Variants in NR1I2 observed in about 807,000 individuals in gnomAD.
NR1I2 encodes orphan nuclear receptor PAR1.
NR1I2 carries 42 observed loss-of-function variants against 43.3 expected under a neutral mutation model. The ratio of observed to expected loss-of-function variants is 0.97; its 90% CI spans 0.76 to 1.26. The LOEUF is 1.26. NR1I2 is among the 50% of genes most tolerant of loss of function. The pLI is 0.00. For synonymous variants in NR1I2, 229 were observed against 215.0 expected (o/e 1.06, Z -0.57); for missense variants, 559 against 566.7 (o/e 0.99, Z 0.14).
chr3:119,791,670 T>A (rs2107950273), intron 1 of NR1I2, among the ~76,000 whole-genome samples: 1 of 152,252 alleles, frequency 6.6e-6, no homozygotes, highest in African/African-American at 2.4e-5. Flanking sequence ...ATCCCAGCAC[T>A]TTGGGAGGCT....
chr3:119,794,492 CTTTTT>C, intron 1 of NR1I2, among the ~76,000 whole-genome samples: 1 of 136,214 alleles, frequency 7.3e-6, no homozygotes, highest in Non-Finnish European at 1.6e-5. Flanking sequence ...CTCACCCAGC[CTTTTT>C]TTTTTTTTTT....
rs1238710950 is a variant in NR1I2, at chr3:119,815,365, A to ACTAC, written c.981_984dup (p.Met329LeufsTer10). 6.2e-7 allele frequency: 1 copy of ACTAC among 1,613,936 alleles called. No homozygotes were observed. The highest frequency in any genetic ancestry group is 1.1e-5 in the South Asian group (1 of 91,074). Reference sequence around the variant, plus strand: ...CTACTGGAGCCCATGCTGAAATTCCACTACATGCTGAAGAAGCTGCAGCTG... The same window carrying ACTAC: ...CTACTGGAGCCCATGCTGAAATTCCACTACCTACATGCTGAAGAAGCTGCAGCTG... On this transcript the variant is annotated frameshift_variant, in exon 7 of 9. Coordinates refer to ENST00000393716, the MANE Select transcript of NR1I2 (RefSeq NM_003889.4). LOFTEE classifies it high-confidence loss of function.
In NR1I2 at chr3:119,807,547, G is replaced by A. The variant is rs80320762; in HGVS notation, c.197+100G>A. On this transcript the variant is annotated intron_variant, in intron 2 of 8. Coordinates refer to ENST00000393716, the MANE Select transcript of NR1I2 (RefSeq NM_003889.4). Reference sequence around the variant, plus strand: ...CCTGTCCCCCAGGTTCAGAGTGTGGGCTGGTGGCCCACCCAAAGGCCTTGT... The same window carrying A: ...CCTGTCCCCCAGGTTCAGAGTGTGGACTGGTGGCCCACCCAAAGGCCTTGT... The A allele has an allele frequency of 9.0e-3, 9,328 of 1,035,834 alleles. 510 individuals carry two copies. The African/African-American group carries it at 0.12, about 14-fold the overall frequency. 64.2% of individuals were successfully genotyped at this position (1,035,834 alleles called of 1,614,324 possible).
chr3:119,802,878 T>C, intron 1 of NR1I2: 1 of 456,708 alleles, frequency 2.2e-6, no homozygotes, highest in Non-Finnish European at 4.4e-6. Context: ...ATGATTGTTA[T>C]GAGGAATAAA....
intron 1 of NR1I2, chr3:119,802,913 T>C (rs1389237236): frequency 6.6e-6 from 3 of 456,614 alleles, no homozygotes; most frequent in Non-Finnish European, 1.3e-5. Flanking sequence ...TGAATGTTTA[T>C]GTTTCCCCCA....
At chr3:119,799,267 C>G (rs2055043485) in intron 1 of NR1I2, among the ~76,000 whole-genome samples, 1 of 152,214 alleles carries the variant, frequency 6.6e-6, no homozygotes, top group South Asian at 2.1e-4. Context: ...TTTCAATTTG[C>G]CTTGCTCTAA....
At chr3:119,788,510 T>A (rs1187549263) in intron 1 of NR1I2, among the ~76,000 whole-genome samples, 2 of 152,146 alleles carry the variant, frequency 1.3e-5, no homozygotes, top group Non-Finnish European at 2.9e-5. Flanking sequence ...CAATCATGGC[T>A]CACTGTAGCC....
chr3:119,799,375 G>T (rs1047601251), intron 1 of NR1I2, among the ~76,000 whole-genome samples: 1 of 151,856 alleles, frequency 6.6e-6, no homozygotes, highest in Non-Finnish European at 1.5e-5. Flanking sequence ...TTTTAAATTG[G>T]GTTATTTGTA....
chr3:119,782,692 T>C lies in NR1I2; in HGVS notation c.-23+392T>C, dbSNP rs1577264678. On this transcript the variant is annotated intron_variant, in intron 1 of 8. Transcript: ENST00000393716. ...GGGGACTATGGGAACTGGGATCAAC[T>C]CAGTCCTGATTCCTTTTGGCCTGCT... is the stretch of plus-strand genomic sequence containing the variant. 13 of 1,192,492 alleles carry C rather than the reference T, an allele frequency of 1.1e-5. No individual in the cohort carries two copies. The East Asian group carries it at 2.8e-4, about 26-fold the overall frequency. 73.9% of individuals were successfully genotyped at this position (1,192,492 alleles called of 1,614,324 possible).
chr3:119,807,603 A>G (rs2055180206), intron 2 of NR1I2, among the ~76,000 whole-genome samples, 156 bp downstream of exon 2: 1 of 152,224 alleles, frequency 6.6e-6, no homozygotes. Flanking sequence ...TTTATATCCC[A>G]GAGGAATCCT....
At chr3:119,793,504 C>T (rs142513515) in intron 1 of NR1I2, among the ~76,000 whole-genome samples, 1 of 152,340 alleles carries the variant, frequency 6.6e-6, no homozygotes, top group Non-Finnish European at 1.5e-5. Context: ...TCAGTTTCCT[C>T]ACCTCTTCCA....
chr3:119,783,835 T>C (rs542964485), intron 1 of NR1I2, among the ~76,000 whole-genome samples: 2 of 152,334 alleles, frequency 1.3e-5, no homozygotes, highest in South Asian at 4.2e-4. Flanking sequence ...ACCTATCTGT[T>C]GCCATGTTGT....
Position 119,810,263 on chromosome 3 carries a change from G to T in NR1I2, c.331+69G>T. On this transcript the variant is annotated intron_variant, in intron 3 of 8. Transcript: ENST00000393716. ...CTCTGAGTAAGGACGTGCCGTGGGT[G>T]TGGGCATGCTTGTGTGGAGATGCGC... The T allele has an allele frequency of 2.6e-6, 4 of 1,536,210 alleles. No individual in the cohort carries two copies. The Admixed American group carries it at 8.0e-5, about 31-fold the overall frequency.
At position 119,803,390 on chromosome 3, in the gene NR1I2, G is replaced by A. The variant is rs969040115; in HGVS notation, c.-22-3839G>A. On this transcript the variant is annotated intron_variant, in intron 1 of 8. Transcript: ENST00000393716. ...GAGAGAGAGATAGAGAGGTCCCAGA[G>A]ACCCAAAGAGCTAGCTGGCTAGCCC... 8.6e-5 allele frequency among the ~76,000 whole-genome samples: 13 copies of A among 151,388 alleles called. No individual in the cohort carries two copies. The East Asian group carries it at 2.3e-3, about 27-fold the overall frequency.
chr3:119,787,817 G>C (rs1301257403), intron 1 of NR1I2, among the ~76,000 whole-genome samples: 1 of 151,902 alleles, frequency 6.6e-6, no homozygotes, highest in Non-Finnish European at 1.5e-5. Flanking sequence ...GTAATCGTGT[G>C]TATGTATATG....
intron 3 of NR1I2, chr3:119,810,412 TG>T (rs2055223230): frequency 1.5e-6 from 1 of 647,944 alleles, no homozygotes; most frequent in Non-Finnish European, 2.6e-6. Context: ...ATCTCTGCCC[TG>T]GGATGTGTGC....
At chr3:119,812,621 G>A in intron 4 of NR1I2, 65 bp from the exon 5 acceptor site, 1 of 1,601,164 alleles carries the variant, frequency 6.2e-7, no homozygotes, top group Non-Finnish European at 8.5e-7. Context: ...TGGGGCCTGA[G>A]TTGGGACCTG....
chr3:119,789,434 G>C (rs1157424976), intron 1 of NR1I2, among the ~76,000 whole-genome samples: 1 of 152,182 alleles, frequency 6.6e-6, no homozygotes. Flanking sequence ...AGGCAAGAGA[G>C]AGAATGAGAA....
At position 119,812,709 on chromosome 3, in the gene NR1I2, C is replaced by A; in HGVS notation, c.543C>A (p.Gly181=). 6.2e-7 allele frequency: 1 copy of A among 1,614,128 alleles called. No individual in the cohort carries two copies. Among genetic ancestry groups the A allele is most frequent in the South Asian group, 1.1e-5 (1 of 91,078 alleles). The change falls in exon 5 of 9, where the codon GGC becomes GGA. Residue 181 remains glycine, a synonymous_variant. Coordinates refer to ENST00000393716, the MANE Select transcript of NR1I2 (RefSeq NM_003889.4). ...AGCTGCCAGGGGTGCTTAGCAGTGGCTGCGAGTTGCCAGAGTCTCTGCAGG... is the reference window on the plus strand; with the variant it reads ...AGCTGCCAGGGGTGCTTAGCAGTGGATGCGAGTTGCCAGAGTCTCTGCAGG...
Sources: allele counts gnomAD v4.1 joint callset (sites outside exome capture counted in the v4.1 genomes callset), GRCh38; gene constraint gnomAD v4.1.1; transcripts MANE v1.5; gene names NCBI Gene and HGNC (gene_info 2026-07-23, HGNC 2026-07-21).